SREBF1: variants seen among roughly 807,000 people sequenced by gnomAD.
SREBF1 encodes sterol regulatory element-binding protein 1.
In SREBF1, 45 loss-of-function variants were observed where a neutral mutation model predicts 100.1. The ratio of observed to expected loss-of-function variants is 0.45; its 90% CI spans 0.35 to 0.58. SREBF1 has a LOEUF of 0.58. Ranked by LOEUF, SREBF1 falls within the 20% of genes least tolerant of loss-of-function variation. The probability of loss-of-function intolerance (pLI) is 0.00; values close to 1 mark genes in which losing one functional copy is unlikely to be tolerated. For missense variants in SREBF1, 1,324 were observed against 1,539.4 expected, an observed-to-expected ratio of 0.86 and a Z score of 2.34; for synonymous variants, 657 against 681.8, an observed-to-expected ratio of 0.96 and a Z score of 0.57.
chr17:17,833,681 G>A (rs549047292), intron 1 of SREBF1, among the ~76,000 whole-genome samples: 10 of 151,724 alleles, frequency 6.6e-5, no homozygotes, highest in South Asian at 4.2e-4. Context: ...CAATAAAGTC[G>A]TTTTTAAAAA....
chr17:17,825,821 G>A (rs1027573014), intron 1 of SREBF1, among the ~76,000 whole-genome samples: 1 of 152,062 alleles, frequency 6.6e-6, no homozygotes. Context: ...TCACCACGTT[G>A]GCCAGGCTGG....
At position 17,821,181 on chromosome 17, in the gene SREBF1, A is replaced by T. The variant is rs564878792; in HGVS notation, c.92-660T>A. On this transcript the variant is annotated intron_variant, in intron 1 of 18. Coordinates refer to ENST00000261646, the MANE Select transcript of SREBF1 (RefSeq NM_004176.5). The stretch of plus-strand genomic sequence containing the variant: ...CACACACACACACACACACATACAC[A>T]CTGCACCGTGGACTCAGACCAGCTT... 5.6e-4 allele frequency among the ~76,000 whole-genome samples: 85 copies of T among 152,000 alleles called. 2 individuals carry two copies. The South Asian group carries it at 0.011, about 20-fold the overall frequency.
intron 4 of SREBF1, 22 bp from the exon 5 acceptor site, chr17:17,819,256 AC>A: frequency 6.2e-7 from 1 of 1,613,744 alleles, no homozygotes; most frequent in South Asian, 1.1e-5. Flanking sequence ...GGCACATGTT[AC>A]CAGGTGGGCA....
chr17:17,815,745 T>C (rs912045437), intron 12 of SREBF1, 115 bp downstream of exon 12: 2 of 1,158,124 alleles, frequency 1.7e-6, no homozygotes, highest in African/African-American at 3.1e-5. Context: ...CAACAACCCA[T>C]GGCAGGGAGA....
rs2032959518 is a variant in SREBF1 at position 17,812,321 on chromosome 17, A to G, written c.*301T>C. 1 of 527,334 alleles carries G rather than the reference A, an allele frequency of 1.9e-6. No individual in the cohort carries two copies. The allele number at this position is 527,334 out of a possible 1,614,324, so 32.7% of individuals were successfully genotyped here. A position where few individuals can be genotyped will look rare whatever the true frequency, so the allele number is the denominator to read the frequency against. ...AAATGTACCCCTCTCTTCCCTGTACACAGGAGGAAAAAAGCCACTAAGGTG... is the reference window on the plus strand; with the variant it reads ...AAATGTACCCCTCTCTTCCCTGTACGCAGGAGGAAAAAAGCCACTAAGGTG... On this transcript the variant is annotated 3_prime_UTR_variant, in exon 19 of 19. Transcript: ENST00000261646.
rs1312367357 is a variant in SREBF1 at position 17,817,426 on chromosome 17, C to G, written c.1436G>C (p.Ser479Thr). ...AKPEQRPSLH[S>T]RGMLDRSRLA... ...GCGGGAGCGGTCCAGCATGCCCCGG[C>G]TGTGCAGAGACGGCCGCTGCTCTGG... Residue 479 changes from serine to threonine, a missense_variant, in exon 8 of 19, where the codon AGC becomes ACC. Physicochemically the swap from Ser to Thr is moderately conservative, Grantham distance 58. Transcript: ENST00000261646. This position sits in a 1 kb window ranked among gnomAD's most constrained non-coding sequence, Gnocchi z 6.6. 2.5e-6 allele frequency: 4 copies of G among 1,594,182 alleles called. No individual in the cohort carries two copies. The South Asian group carries it at 4.5e-5, about 18-fold the overall frequency.
Position 17,819,182 on chromosome 17 carries a change from G to C in SREBF1, c.899C>G (p.Ala300Gly). The change falls in exon 5 of 19, where the codon GCG becomes GGG. Residue 300 changes from alanine to glycine, a missense_variant. Physicochemically the swap from Ala to Gly is moderately conservative, Grantham distance 60. Coordinates refer to ENST00000261646, the MANE Select transcript of SREBF1 (RefSeq NM_004176.5). ...ILATVPLVVD[A>G]EKLPINRLAA... ...GAGCCGGTTGATAGGCAGCTTCTCCGCATCTACGACCAGTGGGACTGTTGC... is the reference window on the plus strand; with the variant it reads ...GAGCCGGTTGATAGGCAGCTTCTCCCCATCTACGACCAGTGGGACTGTTGC... 1 of 1,614,158 alleles carries C rather than the reference G, an allele frequency of 6.2e-7. No homozygotes were observed. The highest frequency in any genetic ancestry group is 8.5e-7 in the Non-Finnish European group (1 of 1,180,054).
chr17:17,830,657 G>A (rs921285030), intron 1 of SREBF1, among the ~76,000 whole-genome samples: 1 of 152,196 alleles, frequency 6.6e-6, no homozygotes, highest in Non-Finnish European at 1.5e-5. Flanking sequence ...AACAGGGTTC[G>A]GGGTAGGCCA....
intron 1 of SREBF1, among the ~76,000 whole-genome samples, chr17:17,826,222 T>C (rs1207688630): frequency 1.3e-5 from 2 of 151,764 alleles, no homozygotes; most frequent in Non-Finnish European, 2.9e-5. Flanking sequence ...GAAAGTCAGG[T>C]AGTGAGTTGC....
In SREBF1 at chr17:17,816,189, G is replaced by GCCCCCCCCCCCCCCCCCCCC; in HGVS notation, c.2214+17_2214+18insGGGGGGGGGGGGGGGGGGGG. The GCCCCCCCCCCCCCCCCCCCC allele has an allele frequency of 1.4e-6, 1 of 709,202 alleles. No homozygotes were observed. Among genetic ancestry groups the GCCCCCCCCCCCCCCCCCCCC allele is most frequent in the South Asian group, 2.3e-5 (1 of 43,878 alleles). The allele number at this position is 709,202 out of a possible 1,614,324, so 43.9% of individuals were successfully genotyped here. ...AGAGAGCTGCAGGGATAAGCCCCCA[G>GCCCCCCCCCCCCCCCCCCCC]CCCCCCAACCCACTCACTGTCAGAA... On this transcript the variant is annotated intron_variant, in intron 11 of 18. Coordinates refer to ENST00000261646, the MANE Select transcript of SREBF1 (RefSeq NM_004176.5).
rs1210046856 is a variant in SREBF1, at chr17:17,817,178, T to C, written c.1607-42A>G. Reference sequence around the variant, plus strand: ...AGCTGGGGACACAGCTCCCAGGAAATCCAGAGCCCCAAGTTCACAAGCCTG... The same window carrying C: ...AGCTGGGGACACAGCTCCCAGGAAACCCAGAGCCCCAAGTTCACAAGCCTG... On this transcript the variant is annotated intron_variant, in intron 8 of 18. Coordinates refer to ENST00000261646, the MANE Select transcript of SREBF1 (RefSeq NM_004176.5). The surrounding 1 kb of genome is among the most constrained non-coding windows in gnomAD (Gnocchi z 6.6). 1.2e-6 allele frequency: 2 copies of C among 1,612,242 alleles called. No homozygotes were observed. The highest frequency in any genetic ancestry group is 1.1e-5 in the South Asian group (1 of 91,054).
At chr17:17,831,247 A>G (rs2034840295) in intron 1 of SREBF1, among the ~76,000 whole-genome samples, 1 of 151,586 alleles carries the variant, frequency 6.6e-6, no homozygotes, top group Admixed American at 6.6e-5. Flanking sequence ...GGCATGAGAT[A>G]TCCTGGGGAG....
rs375324028 is a variant in SREBF1, at chr17:17,816,677, C to T, written c.1827G>A (p.Leu609=). The T allele has an allele frequency of 4.2e-5, 66 of 1,580,840 alleles. No homozygotes were observed. The African/African-American group carries it at 8.2e-4, about 20-fold the overall frequency. ...AQAAQQLWLA[L]RALGRPLPTS... ...TGGGCAGGGGCCGGCCCAGTGCCCG[C>T]AGGGCCAGCCACAGCTGCTGGGCAG... The change falls in exon 10 of 19, where the codon CTG becomes CTA. Residue 609 remains leucine, a synonymous_variant. Transcript: ENST00000261646.
Position 17,815,310 on chromosome 17 carries a change from C to G in SREBF1, c.2403G>C (p.Val801=), listed in dbSNP as rs777924764. 1.5e-5 allele frequency: 25 copies of G among 1,613,474 alleles called. 1 individual carries two copies. In the South Asian group the frequency reaches 2.7e-4, roughly 18 times the overall value. Residue 801 remains valine, a synonymous_variant, in exon 13 of 19, where the codon GTG becomes GTC. Coordinates refer to ENST00000261646, the MANE Select transcript of SREBF1 (RefSeq NM_004176.5). ...AGNPVDPLAQ[V]TQLFREHLLE... Reference sequence around the variant, plus strand: ...AGAGATGTTCCCGGAATAGCTGAGTCACCTGGGCCAGGGGGTCCACTGTGG... The same window carrying G: ...AGAGATGTTCCCGGAATAGCTGAGTGACCTGGGCCAGGGGGTCCACTGTGG...
In SREBF1 at chr17:17,812,306, CT is replaced by C. The variant is rs1347016417; in HGVS notation, c.*315del. On this transcript the variant is annotated 3_prime_UTR_variant, in exon 19 of 19. Transcript: ENST00000261646. The stretch of plus-strand genomic sequence containing the variant: ...TCCGTCAGCACAGGGAAATGTACCC[CT>C]CTCTTCCCTGTACACAGGAGGAAAA... 2 of 498,882 alleles carry C rather than the reference CT, an allele frequency of 4.0e-6. No homozygotes were observed. 30.9% of individuals were successfully genotyped at this position (498,882 alleles called of 1,614,324 possible).
intron 1 of SREBF1, among the ~76,000 whole-genome samples, chr17:17,833,654 A>T (rs369902940): frequency 5.3e-5 from 8 of 151,944 alleles, no homozygotes; most frequent in African/African-American, 1.9e-4. Context: ...AAATTTTGTG[A>T]TACATAAAGT....
intron 1 of SREBF1, among the ~76,000 whole-genome samples, chr17:17,831,464 C>T (rs1468911270): frequency 3.3e-5 from 5 of 152,168 alleles, no homozygotes; most frequent in Middle Eastern, 3.4e-3. Context: ...CAGCCTCTGA[C>T]GGGGCTTGGC....
intron 16 of SREBF1, chr17:17,813,973 G>T (rs1222427269): frequency 2.9e-6 from 2 of 679,114 alleles, no homozygotes; most frequent in South Asian, 1.9e-5. Flanking sequence ...GGGAGCAGCT[G>T]TCCAGCCCTC....
chr17:17,831,273 G>A (rs547922065), intron 1 of SREBF1, among the ~76,000 whole-genome samples: 14 of 152,052 alleles, frequency 9.2e-5, no homozygotes, highest in Admixed American at 5.2e-4. Flanking sequence ...TGGGGTGGCA[G>A]AGCGGGCCCC....
Sources: gnomAD v4.1 joint callset for allele counts (sites outside exome capture counted in the v4.1 genomes callset) on GRCh38, gnomAD v4.1.1 for gene constraint, Gnocchi (gnomAD v3.1) non-coding constraint, MANE v1.5 for transcripts, NCBI Gene and HGNC (gene_info 2026-07-23, HGNC 2026-07-21) for gene names.